The following PRRC2B variants were observed in gnomAD, a reference collection of about 807,000 sequenced individuals.
PRRC2B encodes the protein protein PRRC2B.
Under a neutral mutation model 242.3 loss-of-function variants are expected in PRRC2B, and 68 were observed. The ratio of observed to expected loss-of-function variants is 0.28; its 90% CI spans 0.23 to 0.34. The LOEUF (loss-of-function observed/expected upper bound fraction) is 0.34. PRRC2B is among the 10% of genes least tolerant of loss of function. The pLI is 1.00. For missense variants in PRRC2B, 2,835 were observed against 2,954.8 expected, an observed-to-expected ratio of 0.96 and a Z score of 0.94; for synonymous variants, 1,228 against 1,173.6, an observed-to-expected ratio of 1.05 and a Z score of -0.95.
intron 18 of PRRC2B, among the ~76,000 whole-genome samples, 163 bp from the exon 19 acceptor site, chr9:131,479,089 T>C (rs1161372187): frequency 6.6e-6 from 1 of 152,148 alleles, no homozygotes; most frequent in Non-Finnish European, 1.5e-5. Context: ...GGTGCTTTGC[T>C]TGGCATCGCA....
At chr9:131,466,765 G>A (rs1380045647) in intron 12 of PRRC2B, among the ~76,000 whole-genome samples, 8 of 151,964 alleles carry the variant, frequency 5.3e-5, no homozygotes, top group Non-Finnish European at 1.0e-4. Context: ...GATTACAGGC[G>A]AGCGCCACCA....
At chr9:131,391,191 C>G (rs1399703088), upstream of PRRC2B, among the ~76,000 whole-genome samples, 4 of 151,866 alleles carry the variant, frequency 2.6e-5, no homozygotes, top group South Asian at 2.1e-4. Flanking sequence ...GCTTATGTAA[C>G]TTTGTTATCT....
At position 131,495,835 on chromosome 9, in the gene PRRC2B, C is replaced by T. The variant is rs1286223666; in HGVS notation, c.6651C>T (p.Ile2217=). The T allele has an allele frequency of 3.1e-6, 5 of 1,612,184 alleles. No individual in the cohort carries two copies. The highest frequency in any genetic ancestry group is 3.3e-5 in the Admixed American group (2 of 60,012). The stretch of plus-strand genomic sequence containing the variant: ...CCCAGATGAAGCGAACCGGAGCGAT[C>T]AAGCCTCGGGCTGTCAAAGTGGAGG... ...AASQMKRTGA[I]KPRAVKVEES... The change falls in exon 32 of 32, where the codon ATC becomes ATT. Residue 2217 remains isoleucine, a synonymous_variant. Transcript: ENST00000683519.
In PRRC2B at chr9:131,484,992, G is replaced by A. The variant is rs746114293; in HGVS notation, c.5610G>A (p.Pro1870=). 1.7e-5 allele frequency: 27 copies of A among 1,613,176 alleles called. No individual in the cohort carries two copies. Among genetic ancestry groups the A allele is most frequent in the African/African-American group, 1.3e-4 (10 of 74,908 alleles). Residue 1870 remains proline, a synonymous_variant, in exon 25 of 32, where the codon CCG becomes CCA. Transcript: ENST00000683519. ...RKAWENSPSL[P]EQSSPGGAGS... Reference sequence around the variant, plus strand: ...CTTGGGAAAACTCCCCCAGTTTGCCGGAGCAGAGCTCTCCAGGCGGCGCTG... The same window carrying A: ...CTTGGGAAAACTCCCCCAGTTTGCCAGAGCAGAGCTCTCCAGGCGGCGCTG...
chr9:131,391,888 C>T (rs967639681), upstream of PRRC2B, among the ~76,000 whole-genome samples: 2 of 151,820 alleles, frequency 1.3e-5, no homozygotes, highest in Admixed American at 1.3e-4. Flanking sequence ...TTACAGGACC[C>T]CACCACCATG....
intron 13 of PRRC2B, 22 bp downstream of exon 13, chr9:131,467,775 A>G: frequency 6.2e-7 from 1 of 1,612,524 alleles, no homozygotes; most frequent in Non-Finnish European, 8.5e-7. Context: ...AGATGGTAAA[A>G]GACTGTGATA....
chr9:131,491,608 C>T, intron 29 of PRRC2B, 28 bp downstream of exon 29: 1 of 1,581,182 alleles, frequency 6.3e-7, no homozygotes, highest in Non-Finnish European at 8.6e-7. Flanking sequence ...GCCTCTGACC[C>T]TAGGGAGGGG....
intron 1 of PRRC2B, among the ~76,000 whole-genome samples, chr9:131,375,697 G>A: frequency 6.6e-6 from 1 of 152,076 alleles, no homozygotes; most frequent in East Asian, 1.9e-4. Context: ...AACTTTCTGA[G>A]ACTCAGTTTC....
intron 18 of PRRC2B, 23 bp downstream of exon 18, chr9:131,478,642 G>GGGGGGGGGGGC: frequency 1.0e-5 from 5 of 482,012 alleles, no homozygotes; most frequent in Non-Finnish European, 1.7e-5. Flanking sequence ...GGGTGGGGGG[G>GGGGGGGGGGGC]CATGGGGCTG....
intron 1 of PRRC2B, among the ~76,000 whole-genome samples, chr9:131,386,372 C>T (rs1300642319): frequency 6.7e-6 from 1 of 150,286 alleles, no homozygotes; most frequent in Non-Finnish European, 1.5e-5. Flanking sequence ...CTGCCTTGGC[C>T]TCCCAGAGTC....
chr9:131,377,348 C>T (rs924926115), intron 1 of PRRC2B, among the ~76,000 whole-genome samples: 25 of 152,156 alleles, frequency 1.6e-4, no homozygotes, highest in Non-Finnish European at 2.9e-4. Flanking sequence ...CTCCTAACCT[C>T]GTGATCCGCG....
intron 12 of PRRC2B, 131 bp downstream of exon 12, chr9:131,465,209 G>T (rs1943358415): frequency 1.1e-6 from 1 of 897,106 alleles, no homozygotes. Flanking sequence ...GGAAGCATCA[G>T]TTATTAAGAG....
intron 1 of PRRC2B, among the ~76,000 whole-genome samples, chr9:131,428,587 G>A (rs944822927): frequency 3.3e-5 from 5 of 151,808 alleles, no homozygotes; most frequent in African/African-American, 4.8e-5. Context: ...AGTAAAGATG[G>A]GGTTTCACCA....
At chr9:131,378,830 T>TGC (rs1836718921) in intron 1 of PRRC2B, among the ~76,000 whole-genome samples, 1 of 152,156 alleles carries the variant, frequency 6.6e-6, no homozygotes, top group Non-Finnish European at 1.5e-5. Context: ...GTGATTCTCC[T>TGC]GCGTCAGCCT....
At chr9:131,410,224 A>AGCCT (rs1199639911) in intron 1 of PRRC2B, among the ~76,000 whole-genome samples, 2 of 152,240 alleles carry the variant, frequency 1.3e-5, no homozygotes, top group Non-Finnish European at 2.9e-5. Context: ...CTTCAGCCCA[A>AGCCT]GCCTGCCTGC....
rs984470780 is a variant in PRRC2B, at chr9:131,389,026, A to G, written c.-56+15295A>G. 5.9e-5 allele frequency among the ~76,000 whole-genome samples: 8 copies of G among 136,108 alleles called. No homozygotes were observed. In the Admixed American group the frequency reaches 5.9e-4, roughly 10 times the overall value. The allele number at this position is 136,108 out of a possible 152,430, so 89.3% of individuals were successfully genotyped here. On this transcript the variant is annotated intron_variant, in intron 1 of 1. Coordinates refer to the PRRC2B transcript ENST00000682525. Reference sequence around the variant, plus strand: ...TGGCAAATTTTTTGTATTTTAGTAGAGATGGGGGTTTCACCATGTTGCCCA... The same window carrying G: ...TGGCAAATTTTTTGTATTTTAGTAGGGATGGGGGTTTCACCATGTTGCCCA...
At chr9:131,484,582 A>T in intron 23 of PRRC2B, 104 bp from the exon 24 acceptor site, 2 of 897,926 alleles carry the variant, frequency 2.2e-6, no homozygotes, top group Non-Finnish European at 3.4e-6. Context: ...TCATAGATAC[A>T]TTTGGACGAG....
chr9:131,481,311 C>CAAAAAAAA (rs11404767), intron 19 of PRRC2B, among the ~76,000 whole-genome samples: 97 of 79,214 alleles, frequency 1.2e-3, no homozygotes, highest in African/African-American at 4.7e-3. Context: ...ACTCCGTCTC[C>CAAAAAAAA]AAAAAAAAAA....
intron 25 of PRRC2B, 50 bp from the exon 26 acceptor site, chr9:131,486,035 G>A (rs182422408): frequency 2.4e-6 from 3 of 1,224,682 alleles, no homozygotes; most frequent in Non-Finnish European, 2.4e-6. Flanking sequence ...ACATTGAGAA[G>A]TAGTGAGGCT....
Sources: allele counts gnomAD v4.1 joint callset (sites outside exome capture counted in the v4.1 genomes callset), GRCh38; gene constraint gnomAD v4.1.1; transcripts MANE v1.5; gene names NCBI Gene and HGNC (gene_info 2026-07-23, HGNC 2026-07-21).